LMNTD1: variants seen among roughly 807,000 people sequenced by gnomAD.
LMNTD1 encodes the protein lamin tail domain containing 1.
A neutral mutation model predicts 50.9 loss-of-function variants in LMNTD1; 35 were observed. That is an observed-to-expected ratio of 0.69 (90% CI 0.53 to 0.91). The LOEUF is 0.91. LMNTD1 is among the 40% of genes least tolerant of loss of function. The pLI, the probability that LMNTD1 is intolerant of heterozygous loss-of-function variation, is 0.00. For synonymous variants in LMNTD1, 153 were observed against 161.9 expected (o/e 0.94, Z 0.42); for missense variants, 470 against 475.5 (o/e 0.99, Z 0.11).
At chr12:25,549,924 C>T (rs1270738051) in intron 2 of LMNTD1, among the ~76,000 whole-genome samples, 2 of 152,136 alleles carry the variant, frequency 1.3e-5, no homozygotes, top group Non-Finnish European at 2.9e-5. Flanking sequence ...TATACCTCCA[C>T]TTTGATCACT....
At chr12:25,526,521 T>A (rs1332282621) in intron 5 of LMNTD1, among the ~76,000 whole-genome samples, 1 of 152,184 alleles carries the variant, frequency 6.6e-6, no homozygotes, top group Non-Finnish European at 1.5e-5. Flanking sequence ...TTCATTTTAA[T>A]AGTTAAATTA....
chr12:25,567,758 TC>T, intron 1 of LMNTD1, among the ~76,000 whole-genome samples: 1 of 152,204 alleles, frequency 6.6e-6, no homozygotes, highest in Non-Finnish European at 1.5e-5. Context: ...GATTGTAAGT[TC>T]CCTGAAGCCC....
intron 1 of LMNTD1, among the ~76,000 whole-genome samples, chr12:25,604,256 A>G (rs539540055): frequency 6.6e-6 from 1 of 152,150 alleles, no homozygotes; most frequent in Non-Finnish European, 1.5e-5. Context: ...CACATGGGAC[A>G]AAAGAAGTCC....
At chr12:25,488,992 T>A (rs1591821177) in intron 9 of LMNTD1, among the ~76,000 whole-genome samples, 1 of 152,190 alleles carries the variant, frequency 6.6e-6, no homozygotes, top group Non-Finnish European at 1.5e-5. Flanking sequence ...CGTTCTCAGA[T>A]CTCCAGCTGT....
intron 4 of LMNTD1, among the ~76,000 whole-genome samples, chr12:25,534,575 G>A (rs991001546): frequency 3.3e-5 from 5 of 152,162 alleles, no homozygotes; most frequent in African/African-American, 7.2e-5. Flanking sequence ...CAAAAAGAGC[G>A]CTGGCGATTT....
In LMNTD1 at chr12:25,497,887, A is replaced by AACTC. The variant is rs1939153518; in HGVS notation, c.*22+5850_*22+5851insGAGT. The AACTC allele has an allele frequency of 2.0e-5, 3 of 152,272 alleles. No individual in the cohort carries two copies. The South Asian group carries it at 6.2e-4, about 32-fold the overall frequency. 9.4% of individuals were successfully genotyped at this position (152,272 alleles called of 1,614,324 possible). On this transcript the variant is annotated intron_variant, in intron 9 of 9. Coordinates refer to ENST00000458174, the MANE Select transcript of LMNTD1 (RefSeq NM_001145728.2). ...GGTGCTTGGGTGTAATAAACCAACA[A>AACTC]AACTCAATGAATTTCTCTTCATGGT...
chr12:25,591,934 G>C (rs1945712753), intron 1 of LMNTD1, among the ~76,000 whole-genome samples: 1 of 151,850 alleles, frequency 6.6e-6, no homozygotes, highest in Admixed American at 6.6e-5. Flanking sequence ...TCCAGATCTT[G>C]TCCAAGGCCA....
intron 1 of LMNTD1, among the ~76,000 whole-genome samples, chr12:25,643,487 A>G (rs1241896633): frequency 6.6e-6 from 1 of 152,232 alleles, no homozygotes; most frequent in Non-Finnish European, 1.5e-5. Context: ...TAAACAAGGA[A>G]GAGACTTACA....
chr12:25,606,218 T>C (rs1946098039), intron 1 of LMNTD1, among the ~76,000 whole-genome samples: 1 of 152,236 alleles, frequency 6.6e-6, no homozygotes, highest in Non-Finnish European at 1.5e-5. Context: ...GCTTATCAGC[T>C]TAAGGAGATT....
At chr12:25,526,351 C>G (rs974541294) in intron 5 of LMNTD1, 133 bp from the exon 6 acceptor site, 3 of 814,680 alleles carry the variant, frequency 3.7e-6, no homozygotes, top group Non-Finnish European at 3.6e-6. Flanking sequence ...TATACAATGT[C>G]AAGCTATGCA....
chr12:25,544,567 T>C (rs1482238125), intron 4 of LMNTD1, among the ~76,000 whole-genome samples: 1 of 151,850 alleles, frequency 6.6e-6, no homozygotes, highest in Non-Finnish European at 1.5e-5. Flanking sequence ...AGTATTATTA[T>C]TGAAAAGAAG....
At position 25,502,727 on chromosome 12, in the gene LMNTD1, G is replaced by A. The variant is rs191336586; in HGVS notation, c.*22+1011C>T. ...CTATCACATTTTCAGGAAGTTGGCA[G>A]TTCAAGGATATGATGCTATAGGAAT... On this transcript the variant is annotated intron_variant, in intron 9 of 9. Transcript: ENST00000458174. Among the ~76,000 whole-genome samples the A allele has an allele frequency of 8.8e-3, 1,339 of 152,312 alleles. 56 individuals carry two copies. Among genetic ancestry groups the A allele is most frequent in the Admixed American group, 0.07 (1,069 of 15,290 alleles).
In LMNTD1 at chr12:25,495,686, G is replaced by A. The variant is rs1355385993; in HGVS notation, c.*22+8052C>T. Reference sequence around the variant, plus strand: ...AGTCCTGCATGAACATCAACATTTAGGCAGTTAATTATTTATACCATCAGA... The same window carrying A: ...AGTCCTGCATGAACATCAACATTTAAGCAGTTAATTATTTATACCATCAGA... On this transcript the variant is annotated intron_variant, in intron 9 of 9. Coordinates refer to ENST00000458174, the MANE Select transcript of LMNTD1 (RefSeq NM_001145728.2). Among the ~76,000 whole-genome samples the A allele has an allele frequency of 2.0e-5, 3 of 152,204 alleles. No homozygotes were observed. The East Asian group carries it at 5.8e-4, about 29-fold the overall frequency.
At chr12:25,545,470 A>G (rs1398833705) in intron 4 of LMNTD1, among the ~76,000 whole-genome samples, 1 of 151,706 alleles carries the variant, frequency 6.6e-6, no homozygotes, top group African/African-American at 2.4e-5. Flanking sequence ...ACTGCTGATG[A>G]TAATGATAAT....
At chr12:25,500,580 T>G (rs1439833560) in intron 9 of LMNTD1, among the ~76,000 whole-genome samples, 2 of 152,220 alleles carry the variant, frequency 1.3e-5, no homozygotes, top group Non-Finnish European at 2.9e-5. Context: ...CTATGGGTCC[T>G]AAGCAATTGC....
rs139004549 is a variant in LMNTD1, at chr12:25,594,918, A to T, written c.59-48364T>A. Reference sequence around the variant, plus strand: ...TCCATGCAAATAGACACCAAAAGCCAGCAGGTGTACTATTCTTATATCAGA... The same window carrying T: ...TCCATGCAAATAGACACCAAAAGCCTGCAGGTGTACTATTCTTATATCAGA... On this transcript the variant is annotated intron_variant, in intron 1 of 7. Coordinates refer to the LMNTD1 transcript ENST00000445693. Among the ~76,000 whole-genome samples, 587 of 152,302 alleles carry T rather than the reference A, an allele frequency of 3.9e-3. 13 individuals carry two copies. The highest frequency in any genetic ancestry group is 0.014 in the African/African-American group (570 of 41,586).
intron 5 of LMNTD1, 48 bp downstream of exon 5, chr12:25,526,720 GT>G (rs1208345619): frequency 1.5e-6 from 2 of 1,295,784 alleles, no homozygotes; most frequent in Non-Finnish European, 2.1e-6. Context: ...GTGTCAACAA[GT>G]TTGTCCTGTA....
intron 1 of LMNTD1, among the ~76,000 whole-genome samples, chr12:25,635,809 T>A (rs571293431): frequency 1.3e-5 from 2 of 152,186 alleles, no homozygotes; most frequent in East Asian, 3.9e-4. Flanking sequence ...TGGAACAGAA[T>A]AGAAAACTGA....
At chr12:25,624,795 G>A (rs1467798368) in intron 1 of LMNTD1, among the ~76,000 whole-genome samples, 2 of 152,140 alleles carry the variant, frequency 1.3e-5, no homozygotes, top group Non-Finnish European at 2.9e-5. Flanking sequence ...TATGACCTGG[G>A]TTTTAAAATA....
Sources: gnomAD v4.1 joint callset for allele counts (sites outside exome capture counted in the v4.1 genomes callset) on GRCh38, gnomAD v4.1.1 for gene constraint, MANE v1.5 for transcripts, NCBI Gene and HGNC (gene_info 2026-07-23, HGNC 2026-07-21) for gene names.